Variants in DCT observed in about 807,000 individuals in gnomAD.
The protein encoded by DCT is dopachrome tautomerase.
DCT carries 47 observed loss-of-function variants against 53.0 expected under a neutral mutation model. The observed-to-expected ratio is 0.89, with a 90% CI of 0.70 to 1.13. The LOEUF (loss-of-function observed/expected upper bound fraction) is 1.13. Ranked by LOEUF, DCT falls within the 50% of genes most tolerant of loss-of-function variation. The probability of loss-of-function intolerance (pLI) is 0.00; values close to 1 mark genes in which losing one functional copy is unlikely to be tolerated. For missense variants in DCT, 669 were observed against 637.4 expected, an observed-to-expected ratio of 1.05 and a Z score of -0.53; for synonymous variants, 244 against 237.0, an observed-to-expected ratio of 1.03 and a Z score of -0.27.
chr13:94,512,155 A>G, the DCT span, among the ~76,000 whole-genome samples: 4 of 152,192 alleles, frequency 2.6e-5, no homozygotes, highest in Non-Finnish European at 5.9e-5. Context: ...AATAATAACA[A>G]CAGCAACGAT....
At chr13:94,500,557 T>C in the DCT span, among the ~76,000 whole-genome samples, 21,527 of 152,232 alleles carry the variant, frequency 0.14, 1,713 homozygotes, top group South Asian at 0.25. Context: ...TTCTAAGAGT[T>C]TGATGTTTTT....
intron 4 of DCT, among the ~76,000 whole-genome samples, chr13:94,465,255 T>C (rs1364934478): frequency 3.3e-5 from 5 of 152,238 alleles, no homozygotes; most frequent in Non-Finnish European, 5.9e-5. Context: ...TGGGATATGA[T>C]TGGTGCTTAG....
At chr13:94,493,534 A>G in the DCT span, among the ~76,000 whole-genome samples, 2 of 152,190 alleles carry the variant, frequency 1.3e-5, no homozygotes, top group Admixed American at 6.6e-5. Context: ...ATCCAATGGT[A>G]GGCTTGAAAT....
chr13:94,488,664 G>A, the DCT span, among the ~76,000 whole-genome samples: 255 of 151,808 alleles, frequency 1.7e-3, 2 homozygotes, highest in African/African-American at 5.8e-3. Context: ...GCAATGAGCT[G>A]AGATCGCATC....
At chr13:94,460,319 G>C in intron 5 of DCT, 93 bp from the exon 6 acceptor site, 1 of 1,224,500 alleles carries the variant, frequency 8.2e-7, no homozygotes, top group South Asian at 1.4e-5. Flanking sequence ...TGTCTAATTT[G>C]AGATTGGGTA....
chr13:94,523,197 A>G, the DCT span, among the ~76,000 whole-genome samples: 1 of 152,194 alleles, frequency 6.6e-6, no homozygotes, highest in Non-Finnish European at 1.5e-5. Context: ...TTGGGATGCT[A>G]ATCAGCCATA....
the DCT span, among the ~76,000 whole-genome samples, chr13:94,502,521 G>A: frequency 2.4e-4 from 36 of 152,232 alleles, no homozygotes; most frequent in African/African-American, 8.2e-4. Context: ...TTGCACCTGC[G>A]TTCAGTCATC....
the DCT span, among the ~76,000 whole-genome samples, chr13:94,513,467 T>C: frequency 2.0e-5 from 3 of 152,158 alleles, no homozygotes; most frequent in Non-Finnish European, 4.4e-5. Flanking sequence ...CCAAGCAATT[T>C]ATATAACAAC....
At chr13:94,454,045 T>G (rs976988139) in intron 6 of DCT, among the ~76,000 whole-genome samples, 1 of 152,198 alleles carries the variant, frequency 6.6e-6, no homozygotes, top group Non-Finnish European at 1.5e-5. Flanking sequence ...GAAGGGCTCT[T>G]TCTTACAGGG....
chr13:94,474,062 T>C (rs1041272290), intron 1 of DCT, among the ~76,000 whole-genome samples: 2 of 152,190 alleles, frequency 1.3e-5, no homozygotes, highest in African/African-American at 4.8e-5. Flanking sequence ...AGTTTTTTCT[T>C]CTTAATCTAC....
chr13:94,542,238 G>C, the DCT span, among the ~76,000 whole-genome samples: 1 of 152,156 alleles, frequency 6.6e-6, no homozygotes, highest in African/African-American at 2.4e-5. Flanking sequence ...GCCCAGGCTG[G>C]AGTGCAGTGG....
At chr13:94,465,485 C>T in intron 4 of DCT, 148 bp downstream of exon 4, 2 of 555,936 alleles carry the variant, frequency 3.6e-6, no homozygotes, top group Admixed American at 4.1e-5. Flanking sequence ...TTTTGAAATC[C>T]CACCTCCCAG....
the DCT span, among the ~76,000 whole-genome samples, chr13:94,540,856 A>C: frequency 6.6e-6 from 1 of 152,256 alleles, no homozygotes; most frequent in South Asian, 2.1e-4. Flanking sequence ...TCCCATGCTT[A>C]TTGCAGCATT....
the DCT span, among the ~76,000 whole-genome samples, chr13:94,532,552 C>T: frequency 1.3e-5 from 2 of 152,132 alleles, no homozygotes; most frequent in Admixed American, 6.5e-5. Context: ...AACCAAACAC[C>T]ACATGTTCTC....
chr13:94,468,667 G>C, intron 2 of DCT, 79 bp downstream of exon 2: 1 of 1,276,390 alleles, frequency 7.8e-7, no homozygotes, highest in Non-Finnish European at 1.1e-6. Flanking sequence ...TAACTTGCAT[G>C]AAATTACTTC....
At chr13:94,453,216 G>A (rs774896449) in intron 6 of DCT, among the ~76,000 whole-genome samples, 10 of 152,040 alleles carry the variant, frequency 6.6e-5, no homozygotes, top group Non-Finnish European at 1.5e-4. Context: ...TTATATAAGG[G>A]ACTTGAGTAG....
chr13:94,455,758 A>G (rs1360541604), intron 6 of DCT, among the ~76,000 whole-genome samples: 1 of 152,220 alleles, frequency 6.6e-6, no homozygotes, highest in African/African-American at 2.4e-5. Context: ...GATGCAGAAA[A>G]TCAAATTACT....
chr13:94,458,843 T>C (rs1167838324), intron 6 of DCT, among the ~76,000 whole-genome samples: 1 of 151,924 alleles, frequency 6.6e-6, no homozygotes, highest in African/African-American at 2.4e-5. Context: ...AGCTCAGAAT[T>C]GTAAAATTTA....
At chr13:94,508,234 T>G in the DCT span, among the ~76,000 whole-genome samples, 2 of 152,218 alleles carry the variant, frequency 1.3e-5, no homozygotes, top group African/African-American at 4.8e-5. Context: ...ACTTTATAGA[T>G]TATTTATTTT....
Sources: allele counts gnomAD v4.1 joint callset (sites outside exome capture counted in the v4.1 genomes callset), GRCh38; gene constraint gnomAD v4.1.1; transcripts MANE v1.5; gene names NCBI Gene and HGNC (gene_info 2026-07-23, HGNC 2026-07-21).